Variants in NRXN1 observed in about 807,000 individuals in gnomAD.
NRXN1 encodes the protein neurexin-1.
In NRXN1, 39 loss-of-function variants were observed where a neutral mutation model predicts 150.9. That is an observed-to-expected ratio of 0.26 (90% confidence interval 0.20 to 0.34). The LOEUF (loss-of-function observed/expected upper bound fraction) is 0.34. NRXN1 is among the 10% of genes least tolerant of loss of function. The pLI, the probability that NRXN1 is intolerant of heterozygous loss-of-function variation, is 1.00. For synonymous variants in NRXN1, 924 were observed against 757.0 expected (o/e 1.22, Z -3.62); for missense variants, 1,815 against 1,949.9 (o/e 0.93, Z 1.30).
chr2:50,427,526 G>A (rs1261588571), intron 17 of NRXN1, among the ~76,000 whole-genome samples: 1 of 152,132 alleles, frequency 6.6e-6, no homozygotes, highest in African/African-American at 2.4e-5. Flanking sequence ...TTCCCTAACT[G>A]GAAGTGTCAT....
At chr2:49,980,996 T>C (rs1020927255) in intron 21 of NRXN1, among the ~76,000 whole-genome samples, 2 of 152,024 alleles carry the variant, frequency 1.3e-5, no homozygotes, top group African/African-American at 2.4e-5. Flanking sequence ...TGTACAGAAA[T>C]CTTGCAATTC....
intron 22 of NRXN1, among the ~76,000 whole-genome samples, chr2:49,939,232 A>C (rs1671552744): frequency 6.6e-6 from 1 of 152,158 alleles, no homozygotes; most frequent in Non-Finnish European, 1.5e-5. Context: ...TTTTTTCTCT[A>C]GGCTGAGAAA....
intron 21 of NRXN1, among the ~76,000 whole-genome samples, chr2:49,999,356 T>C (rs1298502115): frequency 6.6e-6 from 1 of 152,194 alleles, no homozygotes; most frequent in African/African-American, 2.4e-5. Flanking sequence ...CCCTTCTCTA[T>C]ACTAATATAG....
chr2:49,983,098 T>C (rs1680249673), intron 21 of NRXN1, among the ~76,000 whole-genome samples: 1 of 152,166 alleles, frequency 6.6e-6, no homozygotes, highest in Non-Finnish European at 1.5e-5. Flanking sequence ...CCAAATCCTC[T>C]AGGAAGAGTT....
chr2:50,679,639 C>CA (rs1262574497), intron 5 of NRXN1, among the ~76,000 whole-genome samples: 2 of 151,978 alleles, frequency 1.3e-5, no homozygotes, highest in Non-Finnish European at 2.9e-5. Flanking sequence ...ACTGGACTTA[C>CA]AAAAACCTCA....
At chr2:49,953,244 A>C (rs1674299449) in intron 21 of NRXN1, among the ~76,000 whole-genome samples, 1 of 152,110 alleles carries the variant, frequency 6.6e-6, no homozygotes, top group South Asian at 2.1e-4. Flanking sequence ...GAGTTGATTC[A>C]TGAGTTGAAT....
chr2:50,957,201 A>G (rs1468732326), intron 2 of NRXN1, among the ~76,000 whole-genome samples: 1 of 152,158 alleles, frequency 6.6e-6, no homozygotes, highest in Non-Finnish European at 1.5e-5. Context: ...CTGTTGGTCA[A>G]GATGATGCAA....
chr2:51,024,096 C>G (rs1293014071), intron 2 of NRXN1, among the ~76,000 whole-genome samples: 1 of 152,136 alleles, frequency 6.6e-6, no homozygotes, highest in Admixed American at 6.5e-5. Context: ...AACTGGATAG[C>G]TATGAAATTC....
chr2:50,806,270 A>G (rs993789561), intron 5 of NRXN1, among the ~76,000 whole-genome samples: 3 of 152,162 alleles, frequency 2.0e-5, no homozygotes, highest in Non-Finnish European at 4.4e-5. Context: ...CTTGAGTTGG[A>G]GAAATTACAG....
At chr2:50,352,498 T>C (rs1322495656) in intron 17 of NRXN1, among the ~76,000 whole-genome samples, 1 of 151,970 alleles carries the variant, frequency 6.6e-6, no homozygotes, top group Non-Finnish European at 1.5e-5. Flanking sequence ...CACTAATATT[T>C]TAAAAATTAA....
At chr2:50,814,955 G>A (rs759025408) in intron 5 of NRXN1, among the ~76,000 whole-genome samples, 14 of 151,558 alleles carry the variant, frequency 9.2e-5, no homozygotes, top group Non-Finnish European at 1.8e-4. Flanking sequence ...CTGATTCTAC[G>A]ACATAGAATA....
At chr2:50,682,736 C>T (rs1485526309) in intron 5 of NRXN1, among the ~76,000 whole-genome samples, 1 of 152,034 alleles carries the variant, frequency 6.6e-6, no homozygotes, top group Non-Finnish European at 1.5e-5. Context: ...CCTAGCAAGA[C>T]AGAGTGCAAC....
intron 18 of NRXN1, among the ~76,000 whole-genome samples, chr2:50,103,882 C>CAAAA (rs1213981063): frequency 1.3e-5 from 2 of 151,556 alleles, no homozygotes; most frequent in East Asian, 1.9e-4. Context: ...AACAAACAAA[C>CAAAA]AAACACACTT....
intron 5 of NRXN1, among the ~76,000 whole-genome samples, chr2:50,634,163 T>C (rs1682856443): frequency 6.6e-6 from 1 of 152,222 alleles, no homozygotes; most frequent in South Asian, 2.1e-4. Flanking sequence ...AATGGGAAGC[T>C]ACTAGAGTTT....
At chr2:50,668,970 G>C (rs1396846356) in intron 5 of NRXN1, among the ~76,000 whole-genome samples, 1 of 151,964 alleles carries the variant, frequency 6.6e-6, no homozygotes, top group Non-Finnish European at 1.5e-5. Flanking sequence ...CGCTGAGGAT[G>C]GTGCTGGTCA....
chr2:51,021,108 A>G (rs1170381384), intron 2 of NRXN1, among the ~76,000 whole-genome samples: 1 of 152,002 alleles, frequency 6.6e-6, no homozygotes, highest in Non-Finnish European at 1.5e-5. Context: ...AGTACACAAC[A>G]AAAAAAGTAT....
At chr2:50,425,989 T>C (rs1022119395) in intron 17 of NRXN1, among the ~76,000 whole-genome samples, 1 of 152,224 alleles carries the variant, frequency 6.6e-6, no homozygotes, top group African/African-American at 2.4e-5. Flanking sequence ...TGTGTGCATC[T>C]ATCAGTGATA....
At chr2:50,984,233 C>A (rs138871302) in intron 2 of NRXN1, among the ~76,000 whole-genome samples, 1 of 149,290 alleles carries the variant, frequency 6.7e-6, no homozygotes, top group Non-Finnish European at 1.5e-5. Flanking sequence ...GATCCACCCA[C>A]GTCGGCCTCC....
chr2:50,066,152 G>A (rs766358302), intron 19 of NRXN1, among the ~76,000 whole-genome samples: 3 of 151,934 alleles, frequency 2.0e-5, no homozygotes, highest in East Asian at 1.9e-4. Context: ...AGTATAGCTC[G>A]GCTAGATGTT....
Sources: allele counts gnomAD v4.1 joint callset (sites outside exome capture counted in the v4.1 genomes callset), GRCh38; gene constraint gnomAD v4.1.1; transcripts MANE v1.5; gene names NCBI Gene and HGNC (gene_info 2026-07-23, HGNC 2026-07-21).